The following INSR variants were observed in gnomAD, a reference collection of about 807,000 sequenced individuals.
The protein encoded by INSR is insulin receptor.
INSR carries 67 observed loss-of-function variants against 142.6 expected under a neutral mutation model. That is an observed-to-expected ratio of 0.47 (90% CI 0.39 to 0.58). The LOEUF is 0.58. Ranked by LOEUF, INSR falls within the 20% of genes least tolerant of loss-of-function variation. INSR has a pLI of 0.00. For synonymous variants in INSR, 756 were observed against 743.1 expected, an observed-to-expected ratio of 1.02 and a Z score of -0.28; for missense variants, 1,248 against 1,833.2, an observed-to-expected ratio of 0.68 and a Z score of 5.83.
At chr19:7,260,317 C>T (rs1353960032) in intron 2 of INSR, among the ~76,000 whole-genome samples, 1 of 152,148 alleles carries the variant, frequency 6.6e-6, no homozygotes, top group Non-Finnish European at 1.5e-5. Flanking sequence ...CAGCATGTCC[C>T]GGCCTCACCC....
intron 6 of INSR, among the ~76,000 whole-genome samples, chr19:7,170,073 G>A (rs77574463): frequency 0.078 from 11,832 of 152,144 alleles, 540 homozygotes; most frequent in South Asian, 0.23. Flanking sequence ...TGTACAGCAG[G>A]AGGTGAGTGA....
At chr19:7,127,555 G>T (rs906063301) in intron 15 of INSR, among the ~76,000 whole-genome samples, 1 of 152,142 alleles carries the variant, frequency 6.6e-6, no homozygotes, top group Middle Eastern at 3.4e-3. Flanking sequence ...TATCCATAGG[G>T]TGGATTCAAT....
At chr19:7,264,343 A>G (rs1977158492) in intron 2 of INSR, among the ~76,000 whole-genome samples, 1 of 152,118 alleles carries the variant, frequency 6.6e-6, no homozygotes, top group Non-Finnish European at 1.5e-5. Flanking sequence ...AAAAACAAAC[A>G]AACAAACAAA....
chr19:7,234,363 C>T (rs1600071296), intron 2 of INSR, among the ~76,000 whole-genome samples: 2 of 152,212 alleles, frequency 1.3e-5, no homozygotes, highest in Admixed American at 1.3e-4. Flanking sequence ...CATGCCACTA[C>T]ACCCAATTAA....
chr19:7,248,978 C>T (rs978650171), intron 2 of INSR, among the ~76,000 whole-genome samples: 2 of 151,946 alleles, frequency 1.3e-5, no homozygotes, highest in Non-Finnish European at 2.9e-5. Context: ...AGGCTGGTCT[C>T]GAACTCCCCA....
chr19:7,132,633 C>T (rs1184120950), intron 13 of INSR, among the ~76,000 whole-genome samples: 1 of 151,484 alleles, frequency 6.6e-6, no homozygotes, highest in Non-Finnish European at 1.5e-5. Context: ...CTCTTGTTGC[C>T]CAGGCTGGAG....
intron 2 of INSR, among the ~76,000 whole-genome samples, chr19:7,208,772 G>A (rs905053180): frequency 2.6e-5 from 4 of 152,248 alleles, no homozygotes; most frequent in East Asian, 1.9e-4. Flanking sequence ...TTGGGAGGCC[G>A]AAGTGGGCGG....
chr19:7,228,825 G>A (rs1163032850), intron 2 of INSR, among the ~76,000 whole-genome samples: 7 of 152,192 alleles, frequency 4.6e-5, no homozygotes, highest in Admixed American at 4.6e-4. Context: ...GAGATGAATG[G>A]ACACATGGAT....
chr19:7,229,363 T>TGGATGGAC (rs1975897597), intron 2 of INSR, among the ~76,000 whole-genome samples: 1 of 139,684 alleles, frequency 7.2e-6, no homozygotes, highest in African/African-American at 2.6e-5. Context: ...GATGGATGGA[T>TGGATGGAC]GGATAGATGG....
At chr19:7,164,831 A>G (rs1294154692) in intron 8 of INSR, among the ~76,000 whole-genome samples, 4 of 124,778 alleles carry the variant, frequency 3.2e-5, no homozygotes, top group Non-Finnish European at 6.7e-5. Context: ...CATCTCAAAA[A>G]AAAAAAAAAA....
chr19:7,212,723 C>T lies in INSR; in HGVS notation c.653-28086G>A, dbSNP rs931184416. ...GCCTCAGCCTCCCAAGTAGTTGGGA[C>T]TACAGGCACCCACCCCCACGTCCTG... On this transcript the variant is annotated intron_variant, in intron 2 of 21. Coordinates refer to ENST00000302850, the MANE Select transcript of INSR (RefSeq NM_000208.4). 9.2e-5 allele frequency among the ~76,000 whole-genome samples: 14 copies of T among 152,112 alleles called. No homozygotes were observed. The East Asian group carries it at 2.7e-3, about 30-fold the overall frequency.
intron 18 of INSR, 25 bp downstream of exon 18, chr19:7,122,854 C>G (rs763053805): frequency 4.3e-6 from 7 of 1,609,644 alleles, no homozygotes; most frequent in Non-Finnish European, 5.9e-6. Context: ...CCGAGTACCC[C>G]GCTGGGTCCC....
At chr19:7,219,454 AAGAG>A (rs771018190) in intron 2 of INSR, among the ~76,000 whole-genome samples, 1 of 134,358 alleles carries the variant, frequency 7.4e-6, no homozygotes, top group Non-Finnish European at 1.6e-5. Flanking sequence ...AGAGAGAAAG[AAGAG>A]AGAGAGAGAG....
chr19:7,253,184 G>A lies in INSR; in HGVS notation c.652+14161C>T, dbSNP rs541476526. Among the ~76,000 whole-genome samples the A allele has an allele frequency of 2.4e-4, 36 of 151,514 alleles. No homozygotes were observed. In the South Asian group the frequency reaches 4.0e-3, roughly 17 times the overall value. On this transcript the variant is annotated intron_variant, in intron 2 of 21. Coordinates refer to ENST00000302850, the MANE Select transcript of INSR (RefSeq NM_000208.4). Reference sequence around the variant, plus strand: ...CTAGGTAGGTACTTGACAATGGTGGGCTTCACCTACCACATGCCCTACAGT... The same window carrying A: ...CTAGGTAGGTACTTGACAATGGTGGACTTCACCTACCACATGCCCTACAGT...
At chr19:7,283,659 C>T (rs762296156) in intron 1 of INSR, among the ~76,000 whole-genome samples, 7 of 152,176 alleles carry the variant, frequency 4.6e-5, no homozygotes, top group Non-Finnish European at 8.8e-5. Context: ...AGGCTGGTCT[C>T]GAACTCACCA....
Position 7,113,648 on chromosome 19 carries a change from C to T in INSR, c.*3408G>A, listed in dbSNP as rs1972255336. The T allele has an allele frequency of 6.6e-6, 1 of 152,138 alleles. No homozygotes were observed. The highest frequency in any genetic ancestry group is 1.5e-5 in the Non-Finnish European group (1 of 68,024). 9.4% of individuals were successfully genotyped at this position (152,138 alleles called of 1,614,324 possible). ...GTGTTATCCTAAGCTGGTTTTGTTG[C>T]TTTTTGTTGTTGTTGTTGCAACTTA... On this transcript the variant is annotated 3_prime_UTR_variant, in exon 22 of 22. Coordinates refer to ENST00000302850, the MANE Select transcript of INSR (RefSeq NM_000208.4).
rs1974368818 is a variant in INSR, at chr19:7,184,554, G to T, written c.736C>A (p.Pro246Thr). The change falls in exon 3 of 22, where the codon CCC (proline) becomes ACC (threonine). Residue 246 changes from proline (P) to threonine (T), a missense_variant. Pro to Thr is a conservative substitution (Grantham distance 38). This residue lies in a region of INSR where 1,069 missense variants were observed against 1,654.0 expected (regional missense o/e 0.65). Transcript: ENST00000302850. Reference sequence around the variant, plus strand: ...GCCACGCACTTGGTGGGGTCGTCGGGCTGAGAACAGTTGCCCAGGCACTCG... The same window carrying T: ...GCCACGCACTTGGTGGGGTCGTCGGTCTGAGAACAGTTGCCCAGGCACTCG... ...HSECLGNCSQ[P>T]DDPTKCVACR... 1 of 1,613,742 alleles carries T rather than the reference G, an allele frequency of 6.2e-7. No individual in the cohort carries two copies. Among genetic ancestry groups the T allele is most frequent in the Non-Finnish European group, 8.5e-7 (1 of 1,179,972 alleles).
chr19:7,230,361 C>A (rs1052932526), intron 2 of INSR, among the ~76,000 whole-genome samples: 1 of 152,184 alleles, frequency 6.6e-6, no homozygotes, highest in Non-Finnish European at 1.5e-5. Context: ...AGCTGGATCA[C>A]TTTGAGCACA....
Position 7,174,728 on chromosome 19 carries a change from C to T in INSR, c.978G>A (p.Leu326=). Residue 326 remains leucine, a synonymous_variant, in exon 4 of 22, where the codon TTG becomes TTA. Transcript: ENST00000302850. The part of the protein sequence containing the change: ...PSGYTMNSSN[L]LCTPCLGPCP... ...AGGGACCCAGGCATGGGGTGCACAG[C>T]AAGCTAAGGACGGAGCAGAGAGAGA... 6.2e-7 allele frequency: 1 copy of T among 1,610,876 alleles called. No homozygotes were observed. The highest frequency in any genetic ancestry group is 8.5e-7 in the Non-Finnish European group (1 of 1,178,334).
Sources: gnomAD v4.1 joint callset for allele counts (sites outside exome capture counted in the v4.1 genomes callset) on GRCh38, gnomAD v4.1.1 for gene constraint, gnomAD v4.1.1 regional missense constraint, MANE v1.5 for transcripts, NCBI Gene and HGNC (gene_info 2026-07-23, HGNC 2026-07-21) for gene names.